The following PPL variants were observed in gnomAD, a reference collection of about 807,000 sequenced individuals.
PPL encodes the protein 190 kDa paraneoplastic pemphigus antigen.
In PPL, 198 loss-of-function variants were observed where a neutral mutation model predicts 194.4. That is an observed-to-expected ratio of 1.02 (90% CI 0.91 to 1.15). The LOEUF is 1.15. Among genes scored for constraint, PPL ranks in the 50% most tolerant of loss-of-function variants. PPL has a pLI of 0.00. For synonymous variants in PPL, 1,220 were observed against 972.4 expected, an observed-to-expected ratio of 1.25 and a Z score of -4.74; for missense variants, 2,885 against 2,294.8, an observed-to-expected ratio of 1.26 and a Z score of -5.25.
chr16:4,935,484 C>G (rs538383734), intron 1 of PPL, among the ~76,000 whole-genome samples: 5 of 152,114 alleles, frequency 3.3e-5, no homozygotes, highest in Non-Finnish European at 7.4e-5. Flanking sequence ...AGGGACTGGA[C>G]GGGCCTCTGG....
intron 1 of PPL, among the ~76,000 whole-genome samples, chr16:4,914,299 T>C (rs1426038974): frequency 6.6e-6 from 1 of 152,296 alleles, no homozygotes; most frequent in East Asian, 1.9e-4. Context: ...AACCCAGACC[T>C]GCTGAACCCA....
chr16:4,934,264 G>A (rs1045488093), intron 1 of PPL, among the ~76,000 whole-genome samples: 1 of 152,092 alleles, frequency 6.6e-6, no homozygotes, highest in African/African-American at 2.4e-5. Flanking sequence ...CCCAGCTTCA[G>A]CTGCTAAAAG....
intron 8 of PPL, among the ~76,000 whole-genome samples, chr16:4,898,239 A>G (rs1200571655): frequency 4.6e-5 from 7 of 152,114 alleles, no homozygotes; most frequent in African/African-American, 1.7e-4. Context: ...TTAGCTGGGC[A>G]TGATGGTGTG....
chr16:4,913,458 G>T (rs145016870), intron 1 of PPL, among the ~76,000 whole-genome samples: 2 of 152,312 alleles, frequency 1.3e-5, no homozygotes, highest in African/African-American at 4.8e-5. Context: ...CCAAAGGACT[G>T]TGCATAGAGC....
intron 2 of PPL, among the ~76,000 whole-genome samples, chr16:4,908,399 G>C (rs2088745718): frequency 6.9e-6 from 1 of 144,418 alleles, no homozygotes; most frequent in South Asian, 2.2e-4. Context: ...AATAAAATGA[G>C]AAGGTTAAAC....
In PPL at chr16:4,885,456, C is replaced by G; in HGVS notation, c.3199G>C (p.Glu1067Gln). The change falls in exon 22 of 22, where the codon GAG becomes CAG. Residue 1067 changes from glutamate (E) to glutamine (Q), a missense_variant. By Grantham distance (29) the Glu-to-Gln change is conservative. Transcript: ENST00000345988. This position sits in a 1 kb window ranked among gnomAD's most constrained non-coding sequence, Gnocchi z 6.3. ...VVKLQNDPQL[E>Q]AEYQQLQEDH... Reference sequence around the variant, plus strand: ...TCCTGCAGCTGCTGGTACTCTGCCTCCAGCTGGGGGTCATTCTGCAGTTTC... The same window carrying G: ...TCCTGCAGCTGCTGGTACTCTGCCTGCAGCTGGGGGTCATTCTGCAGTTTC... 1 of 1,612,554 alleles carries G rather than the reference C, an allele frequency of 6.2e-7. No homozygotes were observed. The highest frequency in any genetic ancestry group is 8.5e-7 in the Non-Finnish European group (1 of 1,179,984).
At position 4,937,049 on chromosome 16, in the gene PPL, G is replaced by A. The variant is rs376539573; in HGVS notation, c.-4C>T. ...TCTTCCTGAAGAGCGAGTTCATGGTGGCGCTCGGGGTGCGGGCGGCGGCGG... is the reference window on the plus strand; with the variant it reads ...TCTTCCTGAAGAGCGAGTTCATGGTAGCGCTCGGGGTGCGGGCGGCGGCGG... On this transcript the variant is annotated 5_prime_UTR_variant, in exon 1 of 22. Transcript: ENST00000345988. 5.5e-6 allele frequency: 8 copies of A among 1,455,442 alleles called. No individual in the cohort carries two copies. The highest frequency in any genetic ancestry group is 1.5e-5 in the South Asian group (1 of 66,918). The allele number at this position is 1,455,442 out of a possible 1,614,324, so 90.2% of individuals were successfully genotyped here.
At chr16:4,909,352 C>T (rs1352063182) in intron 2 of PPL, among the ~76,000 whole-genome samples, 2 of 151,798 alleles carry the variant, frequency 1.3e-5, no homozygotes, top group African/African-American at 4.8e-5. Flanking sequence ...CTGGGGACAG[C>T]AGCTTGGCCG....
rs1236770970 is a variant in PPL at position 4,885,719 on chromosome 16, C to CGCAGCT, written c.2930_2935dup (p.Gln977_Leu978dup). The stretch of plus-strand genomic sequence containing the variant: ...GTCTCTGGTCTCCTGCTCCAGGGCA[C>CGCAGCT]GCAGCTGCAGCTGCAGTGCCTCCAG... On this transcript the variant is annotated inframe_insertion, in exon 22 of 22. Transcript: ENST00000345988. This position sits in a 1 kb window ranked among gnomAD's most constrained non-coding sequence, Gnocchi z 6.3. The CGCAGCT allele has an allele frequency of 4.3e-6, 7 of 1,613,328 alleles. No individual in the cohort carries two copies. Among genetic ancestry groups the CGCAGCT allele is most frequent in the Middle Eastern group, 1.7e-4 (1 of 6,058 alleles).
chr16:4,897,629 G>C (rs74003559), intron 9 of PPL, 46 bp downstream of exon 9: 2 of 1,488,814 alleles, frequency 1.3e-6, no homozygotes, highest in Non-Finnish European at 1.9e-6. Context: ...CGCTCTCAGA[G>C]AGTAGCACCC....
chr16:4,929,463 T>A (rs2089200801), intron 1 of PPL, among the ~76,000 whole-genome samples: 1 of 152,032 alleles, frequency 6.6e-6, no homozygotes, highest in African/African-American at 2.4e-5. Flanking sequence ...TACTCCACCC[T>A]TCACCTAAAC....
intron 1 of PPL, among the ~76,000 whole-genome samples, chr16:4,924,310 A>G (rs922723751): frequency 6.6e-6 from 1 of 152,176 alleles, no homozygotes; most frequent in Non-Finnish European, 1.5e-5. Flanking sequence ...TTTTCACACT[A>G]AGTCTTCAAA....
At chr16:4,928,788 A>G (rs1169972768) in intron 1 of PPL, among the ~76,000 whole-genome samples, 1 of 152,124 alleles carries the variant, frequency 6.6e-6, no homozygotes, top group Non-Finnish European at 1.5e-5. Flanking sequence ...AGGCAGGTGG[A>G]TCACCTGAGG....
chr16:4,903,977 A>G lies in PPL; in HGVS notation c.226T>C (p.Leu76=), dbSNP rs779602775. 15 of 1,613,780 alleles carry G rather than the reference A, an allele frequency of 9.3e-6. No individual in the cohort carries two copies. Among genetic ancestry groups the G allele is most frequent in the Non-Finnish European group, 1.3e-5 (15 of 1,180,016 alleles). Reference sequence around the variant, plus strand: ...ACATAGAGCAGCTTCTCAGAGTCCAACACCTTCTGCAGGGTCACGTCCCGG... The same window carrying G: ...ACATAGAGCAGCTTCTCAGAGTCCAGCACCTTCTGCAGGGTCACGTCCCGG... ...EHRDVTLQKV[L]DSEKLLYVLE... is the part of the protein sequence containing the mutation. The change falls in exon 3 of 22, where the codon TTG becomes CTG. Residue 76 remains leucine, a synonymous_variant. Transcript: ENST00000345988.
chr16:4,899,345 G>T lies in PPL; in HGVS notation c.646C>A (p.Gln216Lys). 6.2e-7 allele frequency: 1 copy of T among 1,612,038 alleles called. No individual in the cohort carries two copies. The highest frequency in any genetic ancestry group is 8.5e-7 in the Non-Finnish European group (1 of 1,179,136). Reference protein sequence around the residue: ...QARQQHLSSLQDYMQRCTNEL... With the variant: ...QARQQHLSSLKDYMQRCTNEL... ...TTGGTGCAGCGCTGCATGTAGTCCT[G>T]CAGCGAACTCAGGTGCTGCTGCCGG... The change falls in exon 7 of 22, where the codon CAG (glutamine) becomes AAG (lysine). Residue 216 changes from glutamine to lysine, a missense_variant. Physicochemically the swap from Gln to Lys is moderately conservative, Grantham distance 53. Transcript: ENST00000345988.
At chr16:4,891,761 G>A (rs779110119) in intron 16 of PPL, 50 bp downstream of exon 16, 1 of 1,554,346 alleles carries the variant, frequency 6.4e-7, no homozygotes, top group South Asian at 1.2e-5. Context: ...TGTGCCAGAT[G>A]CTCTCACCTG....
chr16:4,895,633 C>G lies in PPL; in HGVS notation c.1056G>C (p.Lys352Asn). 2 of 1,614,104 alleles carry G rather than the reference C, an allele frequency of 1.2e-6. No homozygotes were observed. The highest frequency in any genetic ancestry group is 1.3e-5 in the African/African-American group (1 of 75,066). Residue 352 changes from lysine (K) to asparagine (N), a missense_variant, in exon 10 of 22, where the codon AAG becomes AAC. Transcript: ENST00000345988. Reference protein sequence around the residue: ...DLNQKYGPDFKDRYQIELLLR... With the variant: ...DLNQKYGPDFNDRYQIELLLR... Reference sequence around the variant, plus strand: ...GCAGCAGCTCAATCTGGTACCGGTCCTTGAAGTCAGGGCCATACTTCTGGT... The same window carrying G: ...GCAGCAGCTCAATCTGGTACCGGTCGTTGAAGTCAGGGCCATACTTCTGGT...
chr16:4,934,915 G>A (rs1596595556), intron 1 of PPL, among the ~76,000 whole-genome samples: 1 of 152,168 alleles, frequency 6.6e-6, no homozygotes, highest in African/African-American at 2.4e-5. Context: ...GAGACCACCC[G>A]GGGAGGCATC....
At position 4,900,816 on chromosome 16, in the gene PPL, A is replaced by G; in HGVS notation, c.606+14T>C. 2 of 1,613,782 alleles carry G rather than the reference A, an allele frequency of 1.2e-6. No individual in the cohort carries two copies. The highest frequency in any genetic ancestry group is 1.1e-5 in the South Asian group (1 of 91,066). ...CCTCTCCCCATGAGGCCTTTCCCCC[A>G]GGGAGCTCCTCACCAGCAGTTTCTG... On this transcript the variant is annotated intron_variant, in intron 6 of 21. Coordinates refer to ENST00000345988, the MANE Select transcript of PPL (RefSeq NM_002705.5).
Sources: allele counts gnomAD v4.1 joint callset (sites outside exome capture counted in the v4.1 genomes callset), GRCh38; gene constraint gnomAD v4.1.1; non-coding constraint Gnocchi (gnomAD v3.1); transcripts MANE v1.5; gene names NCBI Gene and HGNC (gene_info 2026-07-23, HGNC 2026-07-21).